N4BP2L2: variants seen among roughly 807,000 people sequenced by gnomAD.
The protein encoded by N4BP2L2 is NEDD4-binding protein 2-like 2.
N4BP2L2 carries 50 observed loss-of-function variants against 56.2 expected under a neutral mutation model. The ratio of observed to expected loss-of-function variants is 0.89; its 90% CI spans 0.71 to 1.13. The LOEUF is 1.13. N4BP2L2 is among the 50% of genes most tolerant of loss of function. N4BP2L2 has a pLI of 0.00. For synonymous variants in N4BP2L2, 203 were observed against 223.6 expected, an observed-to-expected ratio of 0.91 and a Z score of 0.82; for missense variants, 689 against 693.8, an observed-to-expected ratio of 0.99 and a Z score of 0.08.
At chr13:32,455,347 T>C (rs1258091528) in intron 6 of N4BP2L2, among the ~76,000 whole-genome samples, 2 of 152,098 alleles carry the variant, frequency 1.3e-5, no homozygotes, top group Admixed American at 6.5e-5. Context: ...TTCTAGAACC[T>C]GAGACTGCCT....
intron 6 of N4BP2L2, among the ~76,000 whole-genome samples, chr13:32,460,046 G>C (rs2079741416): frequency 6.6e-6 from 1 of 151,980 alleles, no homozygotes; most frequent in African/African-American, 2.4e-5. Context: ...ACAGAATGAA[G>C]GACAAAACCA....
chr13:32,500,324 T>A (rs2089721618), intron 6 of N4BP2L2, among the ~76,000 whole-genome samples: 1 of 152,170 alleles, frequency 6.6e-6, no homozygotes, highest in South Asian at 2.1e-4. Flanking sequence ...ATGCTACCTA[T>A]CCTGTCTACA....
Position 32,443,349 on chromosome 13 carries a change from T to C in N4BP2L2, c.1143A>G (p.Ile381Met), listed in dbSNP as rs765817606. The change falls in exon 7 of 10, where the codon ATA becomes ATG. Residue 381 changes from isoleucine to methionine, a missense_variant. Ile to Met is a conservative substitution (Grantham distance 10). Coordinates refer to the N4BP2L2 transcript ENST00000357505. ...TATCTTTCTTTGGTCTCTGTTCACA[T>C]ATAAACTTATGAGGTCCTGCAGGCC... 7.4e-6 allele frequency: 12 copies of C among 1,614,030 alleles called. No homozygotes were observed. The East Asian group carries it at 2.0e-4, about 27-fold the overall frequency.
intron 3 of N4BP2L2, chr13:32,523,387 T>A: frequency 1.3e-5 from 1 of 74,592 alleles, no homozygotes. Context: ...TGAGACTCTG[T>A]CTCAAAAAAA....
intron 6 of N4BP2L2, among the ~76,000 whole-genome samples, chr13:32,492,252 T>G (rs939258406): frequency 1.4e-5 from 2 of 146,650 alleles, no homozygotes; most frequent in Non-Finnish European, 3.0e-5. Context: ...TATTATTTTC[T>G]ACACATCCCA....
intron 6 of N4BP2L2, among the ~76,000 whole-genome samples, chr13:32,463,402 G>A (rs545425206): frequency 5.3e-4 from 80 of 152,140 alleles, no homozygotes; most frequent in Non-Finnish European, 8.8e-4. Flanking sequence ...GGTGGATCAC[G>A]GCTATAATCC....
chr13:32,497,769 G>A (rs536131819), intron 6 of N4BP2L2, among the ~76,000 whole-genome samples: 16 of 152,298 alleles, frequency 1.1e-4, no homozygotes, highest in South Asian at 2.1e-4. Flanking sequence ...GGCTGCATAA[G>A]TTATTCAACA....
intron 6 of N4BP2L2, among the ~76,000 whole-genome samples, chr13:32,469,093 G>A (rs2081814921): frequency 2.0e-5 from 3 of 152,340 alleles, no homozygotes; most frequent in South Asian, 2.1e-4. Flanking sequence ...ACGGTCCCCC[G>A]AGTGTTCTTT....
At chr13:32,516,791 G>T in exon 6 of N4BP2L2, 1 of 460,962 alleles carries the variant, frequency 2.2e-6, no homozygotes, top group Non-Finnish European at 2.9e-6. Flanking sequence ...AGAAGTAGTA[G>T]TGTTTTTTTC....
exon 6 of N4BP2L2, chr13:32,510,415 T>A (rs2091599022): frequency 6.6e-6 from 1 of 151,888 alleles, no homozygotes; most frequent in South Asian, 2.1e-4. Flanking sequence ...TGGAAAAAAA[T>A]GTTCCTAAAA....
chr13:32,463,130 C>A (rs2080502553), intron 6 of N4BP2L2, among the ~76,000 whole-genome samples: 1 of 151,476 alleles, frequency 6.6e-6, no homozygotes, highest in South Asian at 2.1e-4. Flanking sequence ...CAAAAGAGAC[C>A]CAAATGGAAA....
chr13:32,474,045 GC>G (rs2082794545), intron 6 of N4BP2L2, among the ~76,000 whole-genome samples: 1 of 152,138 alleles, frequency 6.6e-6, no homozygotes, highest in Non-Finnish European at 1.5e-5. Flanking sequence ...TTGTTAATTT[GC>G]TTGCATATAA....
At chr13:32,492,247 T>C (rs184602339) in intron 6 of N4BP2L2, among the ~76,000 whole-genome samples, 16 of 151,108 alleles carry the variant, frequency 1.1e-4, no homozygotes, top group African/African-American at 3.4e-4. Flanking sequence ...AAAGATATTA[T>C]TTTCTACACA....
intron 6 of N4BP2L2, among the ~76,000 whole-genome samples, chr13:32,499,295 C>G (rs2089499785): frequency 6.6e-6 from 1 of 152,172 alleles, no homozygotes; most frequent in Non-Finnish European, 1.5e-5. Flanking sequence ...ACTACTTCTT[C>G]TCACTACTGG....
chr13:32,503,381 A>G (rs1205493774), intron 6 of N4BP2L2, among the ~76,000 whole-genome samples: 1 of 152,116 alleles, frequency 6.6e-6, no homozygotes, highest in Non-Finnish European at 1.5e-5. Flanking sequence ...GCTAGACCCT[A>G]AGGATATAAA....
chr13:32,465,622 T>C (rs1197745344), intron 6 of N4BP2L2, among the ~76,000 whole-genome samples: 1 of 152,236 alleles, frequency 6.6e-6, no homozygotes, highest in Non-Finnish European at 1.5e-5. Flanking sequence ...AAAACTATAA[T>C]GCATATATAA....
chr13:32,496,758 C>T (rs2088766563), intron 6 of N4BP2L2, among the ~76,000 whole-genome samples: 1 of 152,212 alleles, frequency 6.6e-6, no homozygotes, highest in Non-Finnish European at 1.5e-5. Flanking sequence ...ATCCAGCAGG[C>T]ACTGGTCCCA....
intron 6 of N4BP2L2, among the ~76,000 whole-genome samples, chr13:32,488,405 T>C (rs112180468): frequency 1.4e-4 from 21 of 152,248 alleles, no homozygotes; most frequent in African/African-American, 5.1e-4. Flanking sequence ...TGTGGACTAC[T>C]AGAGGGTAGA....
intron 6 of N4BP2L2, among the ~76,000 whole-genome samples, chr13:32,463,663 CAAAAA>C (rs35920030): frequency 9.6e-6 from 1 of 104,056 alleles, no homozygotes. Context: ...GACTTGGTCT[CAAAAA>C]AAAAAAAAAA....
Sources: allele counts gnomAD v4.1 joint callset (sites outside exome capture counted in the v4.1 genomes callset), GRCh38; gene constraint gnomAD v4.1.1; transcripts MANE v1.5; gene names NCBI Gene and HGNC (gene_info 2026-07-23, HGNC 2026-07-21).